XKR6: variants seen among roughly 807,000 people sequenced by gnomAD.
XKR6 encodes the protein XK-related protein 6.
In XKR6, 22 loss-of-function variants were observed where a neutral mutation model predicts 56.7. That is an observed-to-expected ratio of 0.39 (90% CI 0.28 to 0.55). The LOEUF (loss-of-function observed/expected upper bound fraction) is 0.55. XKR6 is among the 20% of genes least tolerant of loss of function. XKR6 has a pLI of 0.66. For missense variants in XKR6, 852 were observed against 889.0 expected (o/e 0.96, Z 0.53); for synonymous variants, 524 against 387.8 (o/e 1.35, Z -4.13).
intron 1 of XKR6, among the ~76,000 whole-genome samples, chr8:11,026,190 CTAGATGGTCTAGCCTACTACACACT>C (rs1203045132): frequency 7.9e-5 from 12 of 151,384 alleles, no homozygotes; most frequent in Admixed American, 1.3e-4. Context: ...TACTACACAC[CTAGATGGTCTAGCCTACTACACACT>C]TAGATGGTCT....
chr8:10,920,248 AG>A (rs1484411850), intron 2 of XKR6, among the ~76,000 whole-genome samples: 3 of 152,228 alleles, frequency 2.0e-5, no homozygotes, highest in Non-Finnish European at 4.4e-5. Context: ...CGAATTCAGA[AG>A]GTCCATCTAC....
intron 1 of XKR6, among the ~76,000 whole-genome samples, chr8:10,990,217 G>A (rs763459927): frequency 4.2e-4 from 64 of 152,338 alleles, no homozygotes; most frequent in Non-Finnish European, 7.8e-4. Context: ...CAGCAAAGAC[G>A]TGCTCTAGTA....
chr8:11,036,440 T>C (rs1427659920), intron 1 of XKR6, among the ~76,000 whole-genome samples: 1 of 152,238 alleles, frequency 6.6e-6, no homozygotes, highest in Non-Finnish European at 1.5e-5. Flanking sequence ...AACCGTTGAA[T>C]GTGAATCTTG....
At chr8:11,155,532 GA>G (rs1408721786) in intron 1 of XKR6, among the ~76,000 whole-genome samples, 1 of 152,180 alleles carries the variant, frequency 6.6e-6, no homozygotes, top group Non-Finnish European at 1.5e-5. Context: ...TGGGATTCAA[GA>G]ACTATATGCA....
intron 1 of XKR6, among the ~76,000 whole-genome samples, chr8:11,074,247 C>A (rs937013194): frequency 3.3e-5 from 5 of 152,210 alleles, no homozygotes; most frequent in Non-Finnish European, 7.3e-5. Flanking sequence ...CAGGGAACTG[C>A]AGAAGCTGCG....
chr8:10,994,291 T>A (rs1418658211), intron 1 of XKR6, among the ~76,000 whole-genome samples: 1 of 152,212 alleles, frequency 6.6e-6, no homozygotes, highest in Non-Finnish European at 1.5e-5. Context: ...GTCTTCAGAG[T>A]CAGCCTCGGC....
At chr8:11,049,508 T>TACCAAGAGCTGAAGACCC (rs1799492209) in intron 1 of XKR6, among the ~76,000 whole-genome samples, 1 of 152,134 alleles carries the variant, frequency 6.6e-6, no homozygotes. Context: ...CGTGAAGACC[T>TACCAAGAGCTGAAGACCC]ACCAAGAGCT....
intron 2 of XKR6, among the ~76,000 whole-genome samples, chr8:10,902,002 C>A (rs1037004931): frequency 6.6e-6 from 1 of 152,216 alleles, no homozygotes; most frequent in South Asian, 2.1e-4. Flanking sequence ...GTTACCTACC[C>A]CATTTCCAGG....
intron 1 of XKR6, among the ~76,000 whole-genome samples, chr8:11,170,888 TAC>T (rs1222810737): frequency 1.3e-5 from 2 of 152,190 alleles, no homozygotes; most frequent in African/African-American, 4.8e-5. Context: ...TTAAATAATT[TAC>T]AGAGGAACTA....
chr8:11,067,506 T>G (rs1293864204), intron 1 of XKR6, among the ~76,000 whole-genome samples: 1 of 152,204 alleles, frequency 6.6e-6, no homozygotes, highest in East Asian at 1.9e-4. Flanking sequence ...AATATTTTGG[T>G]GGTTATTGAC....
At chr8:11,115,347 G>A (rs1799121865) in intron 1 of XKR6, among the ~76,000 whole-genome samples, 1 of 152,166 alleles carries the variant, frequency 6.6e-6, no homozygotes, top group Non-Finnish European at 1.5e-5. Context: ...AATCTGCCAA[G>A]TACCTTCAAA....
chr8:10,968,508 T>C (rs1053537244), intron 1 of XKR6, among the ~76,000 whole-genome samples: 1 of 152,208 alleles, frequency 6.6e-6, no homozygotes, highest in African/African-American at 2.4e-5. Context: ...TCTGCAGAAC[T>C]CATTCTGGAT....
chr8:11,046,226 C>T (rs1048400883), intron 1 of XKR6, among the ~76,000 whole-genome samples: 1 of 152,022 alleles, frequency 6.6e-6, no homozygotes, highest in Non-Finnish European at 1.5e-5. Context: ...TGGTGAAACC[C>T]CCGTCTCTAC....
At chr8:10,899,412 T>C (rs1799975235) in intron 2 of XKR6, among the ~76,000 whole-genome samples, 1 of 152,244 alleles carries the variant, frequency 6.6e-6, no homozygotes, top group Non-Finnish European at 1.5e-5. Context: ...GCTGGAATCA[T>C]GCTTCTGCCT....
intron 1 of XKR6, among the ~76,000 whole-genome samples, chr8:11,196,856 T>C (rs1181297199): frequency 6.6e-6 from 1 of 152,124 alleles, no homozygotes; most frequent in East Asian, 1.9e-4. Context: ...ATAGTCAACA[T>C]GAACAAAGAC....
chr8:11,103,832 A>C (rs1017615699), intron 1 of XKR6, among the ~76,000 whole-genome samples: 4 of 152,210 alleles, frequency 2.6e-5, no homozygotes, highest in African/African-American at 9.7e-5. Context: ...ATAAGTATTG[A>C]TTTAGCATCT....
chr8:11,017,772 G>T (rs1798659774), intron 1 of XKR6, among the ~76,000 whole-genome samples: 1 of 152,210 alleles, frequency 6.6e-6, no homozygotes, highest in African/African-American at 2.4e-5. Context: ...AACCACATCA[G>T]TCAGAGGCAC....
chr8:11,082,652 C>G lies in XKR6; in HGVS notation c.764+117924G>C, dbSNP rs530992780. Among the ~76,000 whole-genome samples, 75 of 152,364 alleles carry G rather than the reference C, an allele frequency of 4.9e-4. No homozygotes were observed. In the South Asian group the frequency reaches 6.6e-3, roughly 13 times the overall value. On this transcript the variant is annotated intron_variant, in intron 1 of 2. Transcript: ENST00000416569. Reference sequence around the variant, plus strand: ...TGGGAGAAAGTCAAACAAGAGTCCTCTGTCCCAACAGCAGTCCCCAAAGTC... The same window carrying G: ...TGGGAGAAAGTCAAACAAGAGTCCTGTGTCCCAACAGCAGTCCCCAAAGTC...
chr8:10,919,972 A>G (rs73535426), intron 2 of XKR6, among the ~76,000 whole-genome samples: 11,799 of 152,258 alleles, frequency 0.077, 726 homozygotes, highest in African/African-American at 0.17. Flanking sequence ...CTGTATTTAT[A>G]GGGAAATTGG....
Sources: gnomAD v4.1 joint callset for allele counts (sites outside exome capture counted in the v4.1 genomes callset) on GRCh38, gnomAD v4.1.1 for gene constraint, MANE v1.5 for transcripts, NCBI Gene and HGNC (gene_info 2026-07-23, HGNC 2026-07-21) for gene names.